The following PTPN9 variants were observed in gnomAD, a reference collection of about 807,000 sequenced individuals.
PTPN9 encodes the protein protein tyrosine phosphatase non-receptor type 9.
Under a neutral mutation model 69.8 loss-of-function variants are expected in PTPN9, and 26 were observed. That is an observed-to-expected ratio of 0.37 (90% CI 0.27 to 0.52). PTPN9 has a LOEUF of 0.52. Ranked by LOEUF, PTPN9 falls within the 20% of genes least tolerant of loss-of-function variation. The pLI, the probability that PTPN9 is intolerant of heterozygous loss-of-function variation, is 0.91. For missense variants in PTPN9, 549 were observed against 740.3 expected (o/e 0.74, Z 3.00); for synonymous variants, 274 against 272.5 (o/e 1.01, Z -0.05).
chr15:75,524,374 T>C, intron 2 of PTPN9, 76 bp from the exon 3 acceptor site: 1 of 806,364 alleles, frequency 1.2e-6, no homozygotes, highest in Non-Finnish European at 2.1e-6. Context: ...AACCACCAAA[T>C]CTCAGAGATA....
At chr15:75,539,549 G>A (rs937901815) in intron 1 of PTPN9, among the ~76,000 whole-genome samples, 2 of 150,146 alleles carry the variant, frequency 1.3e-5, no homozygotes, top group Non-Finnish European at 3.0e-5. Flanking sequence ...CTCATGATCC[G>A]CCCGCCTCAG....
rs752320396 is a variant in PTPN9 at position 75,509,023 on chromosome 15, G to T, written c.533C>A (p.Ala178Glu). The change falls in exon 6 of 13, where the codon GCA becomes GAA. Residue 178 changes from alanine (A) to glutamate (E), a missense_variant. Ala to Glu is a moderately radical substitution (Grantham distance 107). Transcript: ENST00000618819. Reference protein sequence around the residue: ...GKKVLNLLKGAFPARLKKVLI... With the variant: ...GKKVLNLLKGEFPARLKKVLI... ...CACCTTCTTCAAACGAGCTGGAAATGCTCCCTGTGGAGAAAACACATGAGG... is the reference window on the plus strand; with the variant it reads ...CACCTTCTTCAAACGAGCTGGAAATTCTCCCTGTGGAGAAAACACATGAGG... 6.2e-7 allele frequency: 1 copy of T among 1,613,270 alleles called. No individual in the cohort carries two copies. Among genetic ancestry groups the T allele is most frequent in the South Asian group, 1.1e-5 (1 of 91,020 alleles).
chr15:75,504,497 G>A (rs1379948204), intron 7 of PTPN9, among the ~76,000 whole-genome samples: 1 of 124,998 alleles, frequency 8.0e-6, no homozygotes, highest in South Asian at 2.6e-4. Flanking sequence ...TCAGCCCCAC[G>A]TCCGGGAGGG....
At chr15:75,523,283 A>C (rs1269039862) in intron 3 of PTPN9, 38 bp from the exon 4 acceptor site, 1 of 1,601,224 alleles carries the variant, frequency 6.2e-7, no homozygotes, top group Admixed American at 1.7e-5. Flanking sequence ...AAAAAATCAA[A>C]TAGAAAATCA....
rs373597822 is a variant in PTPN9 at position 75,481,837 on chromosome 15, G to C, written c.1063-1923C>G. On this transcript the variant is annotated intron_variant, in intron 8 of 12. Coordinates refer to ENST00000618819, the MANE Select transcript of PTPN9 (RefSeq NM_002833.4). ...CCCCGTCCGGGAGGGAGGTGGGGGG[G>C]GGTCAGCGCCCCTGCCTGGCCAGCC... Among the ~76,000 whole-genome samples, 118 of 135,322 alleles carry C rather than the reference G, an allele frequency of 8.7e-4. 1 individual carries two copies. In the East Asian group the frequency reaches 0.022, roughly 25 times the overall value. The allele number at this position is 135,322 out of a possible 152,430, so 88.8% of individuals were successfully genotyped here.
At chr15:75,480,734 C>T in intron 8 of PTPN9, 3 of 1,300,786 alleles carry the variant, frequency 2.3e-6, no homozygotes, top group Non-Finnish European at 3.0e-6. Flanking sequence ...GTTCAGCGGG[C>T]AGCGGAGCTG....
chr15:75,475,928 C>G (rs1016680135), intron 9 of PTPN9, among the ~76,000 whole-genome samples: 1 of 152,130 alleles, frequency 6.6e-6, no homozygotes, highest in African/African-American at 2.4e-5. Flanking sequence ...CACTTGAGCC[C>G]AGAAGTTTGA....
At chr15:75,485,526 GC>G (rs2074670327) in intron 8 of PTPN9, among the ~76,000 whole-genome samples, 1 of 150,330 alleles carries the variant, frequency 6.7e-6, no homozygotes, top group Non-Finnish European at 1.5e-5. Flanking sequence ...CCGCCACCGC[GC>G]CCGGCTAATT....
At chr15:75,499,461 GGT>G (rs1567484004) in intron 7 of PTPN9, among the ~76,000 whole-genome samples, 1 of 143,780 alleles carries the variant, frequency 7.0e-6, no homozygotes, top group Admixed American at 7.1e-5. Flanking sequence ...GCTGGAGTGC[GGT>G]GGCATGATCT....
At chr15:75,558,535 G>A (rs1014246141) in intron 1 of PTPN9, among the ~76,000 whole-genome samples, 3 of 150,940 alleles carry the variant, frequency 2.0e-5, no homozygotes, top group African/African-American at 4.9e-5. Flanking sequence ...CTCTCCCCAC[G>A]GTCTCCCGAT....
chr15:75,485,829 A>G (rs1212059393), intron 8 of PTPN9, among the ~76,000 whole-genome samples: 9 of 150,364 alleles, frequency 6.0e-5, no homozygotes, highest in Non-Finnish European at 1.3e-4. Context: ...GGCCGGGCGC[A>G]GTGGCTCACG....
At chr15:75,510,209 A>C (rs2074839056) in intron 5 of PTPN9, among the ~76,000 whole-genome samples, 2 of 152,042 alleles carry the variant, frequency 1.3e-5, no homozygotes, top group African/African-American at 4.8e-5. Flanking sequence ...TTCCTAATCC[A>C]CAGTGCTTAG....
At chr15:75,529,143 C>T (rs549297174) in intron 1 of PTPN9, among the ~76,000 whole-genome samples, 10 of 151,854 alleles carry the variant, frequency 6.6e-5, no homozygotes, top group Admixed American at 2.0e-4. Flanking sequence ...CACACCACCA[C>T]GCCTGGCTAA....
At chr15:75,501,486 A>T (rs1595954116) in intron 7 of PTPN9, among the ~76,000 whole-genome samples, 2 of 131,664 alleles carry the variant, frequency 1.5e-5, no homozygotes, top group Admixed American at 1.8e-4. Flanking sequence ...TTTTCCTTAG[A>T]CAAAGTCTTA....
chr15:75,528,699 T>A (rs1213405222), intron 1 of PTPN9, among the ~76,000 whole-genome samples: 1 of 150,304 alleles, frequency 6.7e-6, no homozygotes, highest in African/African-American at 2.4e-5. Flanking sequence ...CAGCACATTT[T>A]TTTTTTTTTT....
chr15:75,477,031 ACTT>A (rs1306383183), intron 9 of PTPN9, among the ~76,000 whole-genome samples: 4 of 152,176 alleles, frequency 2.6e-5, no homozygotes, highest in Non-Finnish European at 5.9e-5. Context: ...TTAACAGTAA[ACTT>A]CTCTCAAGAA....
intron 1 of PTPN9, among the ~76,000 whole-genome samples, chr15:75,537,801 G>C (rs1183420423): frequency 7.1e-6 from 1 of 140,960 alleles, no homozygotes; most frequent in Non-Finnish European, 1.5e-5. Context: ...GCTCACACCT[G>C]TAATCCCAGC....
intron 1 of PTPN9, among the ~76,000 whole-genome samples, chr15:75,530,086 C>T (rs541076551): frequency 3.3e-5 from 5 of 150,004 alleles, no homozygotes; most frequent in Admixed American, 1.3e-4. Context: ...CCTGTGCTCC[C>T]GGCTAGTCAG....
intron 1 of PTPN9, among the ~76,000 whole-genome samples, chr15:75,545,971 A>T (rs2075030850): frequency 6.6e-6 from 1 of 152,196 alleles, no homozygotes; most frequent in Admixed American, 6.6e-5. Flanking sequence ...AAGTAAATTT[A>T]TGGATTTTGT....
Sources: allele counts gnomAD v4.1 joint callset (sites outside exome capture counted in the v4.1 genomes callset), GRCh38; gene constraint gnomAD v4.1.1; transcripts MANE v1.5; gene names NCBI Gene and HGNC (gene_info 2026-07-23, HGNC 2026-07-21).